Variants in TMC8 observed in about 807,000 individuals in gnomAD.
TMC8 encodes the protein transmembrane channel-like protein 8.
In TMC8, 71 loss-of-function variants were observed where a neutral mutation model predicts 76.0. That is an observed-to-expected ratio of 0.93 (90% CI 0.77 to 1.14). TMC8 has a LOEUF of 1.14. Ranked by LOEUF, TMC8 falls within the 50% of genes most tolerant of loss-of-function variation. The probability of loss-of-function intolerance (pLI) is 0.00; values close to 1 mark genes in which losing one functional copy is unlikely to be tolerated. For missense variants in TMC8, 924 were observed against 947.9 expected (o/e 0.97, Z 0.33); for synonymous variants, 433 against 433.8 (o/e 1.00, Z 0.02).
rs1280882442 is a variant in TMC8 at position 78,131,447 on chromosome 17, C to A, written c.-142C>A. On this transcript the variant is annotated 5_prime_UTR_variant, in exon 2 of 16. Coordinates refer to ENST00000318430, the MANE Select transcript of TMC8 (RefSeq NM_152468.5). ...GCTGCAGGAGCCCAGGCCCCGACGC[C>A]GGCGCAGAGGGGACGGAAGGGCCCG... The A allele has an allele frequency of 4.1e-6, 5 of 1,232,466 alleles. No homozygotes were observed. Among genetic ancestry groups the A allele is most frequent in the African/African-American group, 3.0e-5 (2 of 66,672 alleles). The allele number at this position is 1,232,466 out of a possible 1,614,324, so 76.3% of individuals were successfully genotyped here. A position where few individuals can be genotyped will look rare whatever the true frequency, so the allele number is the denominator to read the frequency against.
Position 78,132,041 on chromosome 17 carries a change from C to G in TMC8, c.298+11C>G. ...TCTACGAGATCGGGGGTAGGACCCG[C>G]GCGACCCGCACCTCCCCTTGCCCTC... is the stretch of plus-strand genomic sequence containing the variant. On this transcript the variant is annotated intron_variant, in intron 3 of 15. Transcript: ENST00000318430. 1.3e-6 allele frequency: 2 copies of G among 1,534,594 alleles called. No individual in the cohort carries two copies. The highest frequency in any genetic ancestry group is 4.9e-5 in the East Asian group (2 of 40,852).
chr17:78,133,917 A>G lies in TMC8; in HGVS notation c.733A>G (p.Lys245Glu). ...GQGYQAPLSA[K>E]VFSSWDFCIR... ...GGGCTATCAGGCGCCTCTCAGCGCC[A>G]AGGTCTTCTCCTCATGGGACTTCTG... is the stretch of plus-strand genomic sequence containing the variant. Residue 245 changes from lysine (K) to glutamate (E), a missense_variant, in exon 7 of 16, where the codon AAG (lysine) becomes GAG (glutamate). By Grantham distance (56) the Lys-to-Glu change is moderately conservative (BLOSUM62 1). Coordinates refer to ENST00000318430, the MANE Select transcript of TMC8 (RefSeq NM_152468.5). 1 of 1,613,624 alleles carries G rather than the reference A, an allele frequency of 6.2e-7. No individual in the cohort carries two copies. The highest frequency in any genetic ancestry group is 8.5e-7 in the Non-Finnish European group (1 of 1,180,048).
In TMC8 at chr17:78,131,647, A is replaced by T. The variant is rs1431330889; in HGVS notation, c.59A>T (p.Glu20Val). 1.3e-6 allele frequency: 2 copies of T among 1,560,154 alleles called. No homozygotes were observed. The highest frequency in any genetic ancestry group is 1.7e-6 in the Non-Finnish European group (2 of 1,153,424). ...GCCCCTGGGGTGCCGGAGCCGGAGG[A>T]GCTGTGGGAGGCAGAGATGGAGCGG... ...ERAPGVPEPE[E>V]LWEAEMERLR... Residue 20 changes from glutamate to valine, a missense_variant, in exon 2 of 16, where the codon GAG (glutamate) becomes GTG (valine). Physicochemically the swap from Glu to Val is moderately radical, Grantham distance 121. Transcript: ENST00000318430.
In TMC8 at chr17:78,131,577, G is replaced by T. The variant is rs2074966560; in HGVS notation, c.-12G>T. Reference sequence around the variant, plus strand: ...CAGCCCGGCGCCCCAGCCTCTACCCGTGCCCGCCGAGATGCTGCTGCCGCG... The same window carrying T: ...CAGCCCGGCGCCCCAGCCTCTACCCTTGCCCGCCGAGATGCTGCTGCCGCG... On this transcript the variant is annotated 5_prime_UTR_variant, in exon 2 of 16. Transcript: ENST00000318430. 1.3e-6 allele frequency: 2 copies of T among 1,542,514 alleles called. No individual in the cohort carries two copies. Among genetic ancestry groups the T allele is most frequent in the South Asian group, 1.2e-5 (1 of 83,960 alleles).
intron 6 of TMC8, 102 bp from the exon 7 acceptor site, chr17:78,133,751 C>T (rs1035231205): frequency 1.3e-6 from 2 of 1,581,920 alleles, no homozygotes; most frequent in East Asian, 4.5e-5. Flanking sequence ...GGACCTGCAC[C>T]TGGGGCTGCA....
chr17:78,141,762 T>TA lies in TMC8; in HGVS notation c.*650_*651insA, dbSNP rs1298319896. On this transcript the variant is annotated 3_prime_UTR_variant, in exon 16 of 16. Transcript: ENST00000318430. ...GACTGAGGGGCTGACTGAAGCCTGG[T>TA]GAGAGCGTGCTGGGTCAGCCTCTCC... 3 of 152,284 alleles carry TA rather than the reference T, an allele frequency of 2.0e-5. No individual in the cohort carries two copies. Among genetic ancestry groups the TA allele is most frequent in the African/African-American group, 7.2e-5 (3 of 41,480 alleles). The allele number at this position is 152,284 out of a possible 1,614,324, so 9.4% of individuals were successfully genotyped here. A position where few individuals can be genotyped will look rare whatever the true frequency, so the allele number is the denominator to read the frequency against.
chr17:78,133,879 C>T lies in TMC8; in HGVS notation c.695C>T (p.Thr232Ile), dbSNP rs2075128659. The T allele has an allele frequency of 6.2e-7, 1 of 1,613,372 alleles. No homozygotes were observed. ...ATGGTGAAGGGGCTGCCGCAGAAGA[C>T]TCTGCTGGGTCAGGGCTATCAGGCG... ...RRMVKGLPQK[T>I]LLGQGYQAPL... is the part of the protein sequence containing the mutation. Residue 232 changes from threonine to isoleucine, a missense_variant, in exon 7 of 16, where the codon ACT becomes ATT. Transcript: ENST00000318430.
At chr17:78,134,324 C>A (rs2075155176) in intron 7 of TMC8, 70 bp from the exon 8 acceptor site, 14 of 1,547,444 alleles carry the variant, frequency 9.0e-6, no homozygotes, top group African/African-American at 2.7e-5. Flanking sequence ...TGTGTGAGAG[C>A]GTTTCCTGCA....
intron 6 of TMC8, 32 bp downstream of exon 6, chr17:78,133,574 C>T (rs1568016839): frequency 6.2e-7 from 1 of 1,606,262 alleles, no homozygotes; most frequent in Non-Finnish European, 8.5e-7. Context: ...TCACCCCTTC[C>T]CCAGGGAATC....
chr17:78,137,850 G>C (rs563623563), intron 11 of TMC8, 36 bp downstream of exon 11: 7 of 1,607,756 alleles, frequency 4.4e-6, no homozygotes, highest in Non-Finnish European at 5.9e-6. Flanking sequence ...AAGGGCGGGG[G>C]TGCCGCGAGC....
At chr17:78,139,390 G>A in intron 15 of TMC8, 150 bp downstream of exon 15, 5 of 842,296 alleles carry the variant, frequency 5.9e-6, no homozygotes, top group South Asian at 3.1e-5. Flanking sequence ...AGACGGGGAA[G>A]GGGAGGAAGA....
chr17:78,137,870 G>A, intron 11 of TMC8, 56 bp downstream of exon 11: 2 of 1,601,002 alleles, frequency 1.2e-6, no homozygotes, highest in Non-Finnish European at 1.7e-6. Flanking sequence ...CATGTTGGGG[G>A]TGGCCAGTGG....
chr17:78,134,207 ATGGG>A (rs1176593298), intron 7 of TMC8, among the ~76,000 whole-genome samples, 183 bp from the exon 8 acceptor site: 1 of 152,168 alleles, frequency 6.6e-6, no homozygotes, highest in Non-Finnish European at 1.5e-5. Flanking sequence ...ATGTGACTGA[ATGGG>A]TGATGGCGAG....
In TMC8 at chr17:78,133,376, C is replaced by G. The variant is rs370590732; in HGVS notation, c.532-30C>G. The stretch of plus-strand genomic sequence containing the variant: ...ACTTGAGCAGAGCCTGGTGCTCACC[C>G]GGGCTGGGTATCTTCGTCGCTGTCC... On this transcript the variant is annotated intron_variant, in intron 5 of 15. Transcript: ENST00000318430. The G allele has an allele frequency of 1.1e-5, 17 of 1,613,416 alleles. No individual in the cohort carries two copies. In the African/African-American group the frequency reaches 1.6e-4, roughly 15 times the overall value.
At chr17:78,138,760 G>A in intron 14 of TMC8, 28 bp downstream of exon 14, 2 of 1,601,364 alleles carry the variant, frequency 1.2e-6, no homozygotes, top group Non-Finnish European at 1.7e-6. Context: ...GGCCATGGGA[G>A]GGGACACCTG....
In TMC8 at chr17:78,131,566, AGCCTCTACCCGTGCCCGCCGAGATGCT is replaced by A. The variant is rs1230051290; in HGVS notation, c.-20_7del. The A allele has an allele frequency of 7.8e-6, 12 of 1,541,210 alleles. No individual in the cohort carries two copies. The highest frequency in any genetic ancestry group is 1.0e-5 in the Non-Finnish European group (12 of 1,146,514). On this transcript the variant is annotated start_lost and 5_prime_UTR_variant, in exon 2 of 16. Transcript: ENST00000318430. ...CCCCCCACCGGCAGCCCGGCGCCCCAGCCTCTACCCGTGCCCGCCGAGATGCTGCTGCCGCGGTCGGTGTCATCGGAG... is the reference window on the plus strand; with the variant it reads ...CCCCCCACCGGCAGCCCGGCGCCCCAGCTGCCGCGGTCGGTGTCATCGGAG...
rs377044337 is a variant in TMC8, at chr17:78,134,388, G to A, written c.817-6G>A. ...CAGCTGCCTCTGTCCCCACCCTTCC[G>A]GGCAGGTGGAGCTGGAGGAGGGCCG... is the stretch of plus-strand genomic sequence containing the variant. On this transcript the variant is annotated splice_region_variant and splice_polypyrimidine_tract_variant and intron_variant, in intron 7 of 15. Transcript: ENST00000318430. 6.8e-6 allele frequency: 11 copies of A among 1,609,468 alleles called. No homozygotes were observed. Among genetic ancestry groups the A allele is most frequent in the African/African-American group, 2.7e-5 (2 of 75,006 alleles).
intron 1 of TMC8, 46 bp from the exon 2 acceptor site, chr17:78,131,235 G>A (rs1176372740): frequency 5.8e-5 from 24 of 412,804 alleles, no homozygotes; most frequent in Admixed American, 4.6e-4. Context: ...TGCCTGTGCC[G>A]GTCCAGACTT....
At chr17:78,134,813 G>T in intron 8 of TMC8, 57 bp from the exon 9 acceptor site, 1 of 1,609,156 alleles carries the variant, frequency 6.2e-7, no homozygotes. Context: ...GTGGGGGGCG[G>T]GGAGCAGACA....
Sources: allele counts gnomAD v4.1 joint callset (sites outside exome capture counted in the v4.1 genomes callset), GRCh38; gene constraint gnomAD v4.1.1; transcripts MANE v1.5; gene names NCBI Gene and HGNC (gene_info 2026-07-23, HGNC 2026-07-21).